The following KCNC2 variants were observed in gnomAD, a reference collection of about 807,000 sequenced individuals.
The protein encoded by KCNC2 is potassium voltage-gated channel subfamily C member 2, also known as voltage-gated potassium channel KCNC2.
KCNC2 carries 21 observed loss-of-function variants against 44.5 expected under a neutral mutation model. That is an observed-to-expected ratio of 0.47 (90% CI 0.33 to 0.68). The LOEUF (loss-of-function observed/expected upper bound fraction) is 0.68, where lower values mean the gene tolerates loss of function less well. Among genes scored for constraint, KCNC2 ranks in the 30% least tolerant of loss-of-function variants. The pLI, the probability that KCNC2 is intolerant of heterozygous loss-of-function variation, is 0.01. For missense variants in KCNC2, 589 were observed against 826.2 expected, an observed-to-expected ratio of 0.71 and a Z score of 3.52; for synonymous variants, 391 against 339.1, an observed-to-expected ratio of 1.15 and a Z score of -1.68.
rs1565799101 is a variant in KCNC2 at position 75,041,161 on chromosome 12, G to A, written c.*1944C>T. ...GTCCTTGGTATGGCTAAATTCCACT[G>A]TCCCTTTCTCAGCAGTCAATAATCC... On this transcript the variant is annotated 3_prime_UTR_variant, in exon 5 of 5. Transcript: ENST00000549446. The A allele has an allele frequency of 1.3e-6, 2 of 1,596,522 alleles. No individual in the cohort carries two copies. Among genetic ancestry groups the A allele is most frequent in the East Asian group, 2.2e-5 (1 of 44,812 alleles).
intron 2 of KCNC2, among the ~76,000 whole-genome samples, chr12:75,146,554 G>A (rs1342302722): frequency 6.6e-6 from 1 of 152,150 alleles, no homozygotes; most frequent in Non-Finnish European, 1.5e-5. Context: ...ATCCATCTCT[G>A]AAATAGATTT....
rs541708176 is a variant in KCNC2, at chr12:75,184,502, A to G, written c.687+22795T>C. On this transcript the variant is annotated intron_variant, in intron 2 of 4. Transcript: ENST00000549446. ...TGAAGTTGATTTATATATTTTTTTCATTTAAACCTTACTACATCTCCCTTT... is the reference window on the plus strand; with the variant it reads ...TGAAGTTGATTTATATATTTTTTTCGTTTAAACCTTACTACATCTCCCTTT... Among the ~76,000 whole-genome samples, 28 of 152,142 alleles carry G rather than the reference A, an allele frequency of 1.8e-4. No homozygotes were observed. The Middle Eastern group carries it at 0.014, about 74-fold the overall frequency.
chr12:75,205,125 T>G (rs2031584182), intron 2 of KCNC2, among the ~76,000 whole-genome samples: 1 of 152,140 alleles, frequency 6.6e-6, no homozygotes, highest in African/African-American at 2.4e-5. Context: ...TGCAGAGATT[T>G]CACAATCCAG....
chr12:75,159,510 A>C (rs1890984247), intron 2 of KCNC2, among the ~76,000 whole-genome samples: 1 of 151,796 alleles, frequency 6.6e-6, no homozygotes, highest in African/African-American at 2.4e-5. Flanking sequence ...TAAATAATTA[A>C]ATATTTATCA....
intron 2 of KCNC2, among the ~76,000 whole-genome samples, chr12:75,100,407 A>G (rs1293072638): frequency 6.6e-6 from 1 of 152,074 alleles, no homozygotes; most frequent in Non-Finnish European, 1.5e-5. Flanking sequence ...ATTCACCACA[A>G]TGGCACTTAA....
At chr12:75,086,080 A>C (rs1026695144) in intron 2 of KCNC2, among the ~76,000 whole-genome samples, 1 of 152,080 alleles carries the variant, frequency 6.6e-6, no homozygotes, top group Non-Finnish European at 1.5e-5. Flanking sequence ...CTCATACTAT[A>C]GTATGCTCTA....
intron 2 of KCNC2, among the ~76,000 whole-genome samples, chr12:75,108,395 G>A (rs1394636273): frequency 2.0e-5 from 3 of 152,144 alleles, no homozygotes; most frequent in African/African-American, 7.2e-5. Flanking sequence ...AAATGAGATA[G>A]CTGATGTTAT....
At chr12:75,190,592 CT>C (rs753095227) in intron 2 of KCNC2, among the ~76,000 whole-genome samples, 23 of 152,142 alleles carry the variant, frequency 1.5e-4, no homozygotes, top group Admixed American at 7.9e-4. Context: ...ACATCAAAAA[CT>C]TGTGTACTAA....
chr12:75,068,671 GAGTTGATTACAATTAAC>G (rs1489275155), intron 2 of KCNC2, among the ~76,000 whole-genome samples: 16 of 152,138 alleles, frequency 1.1e-4, no homozygotes, highest in Admixed American at 4.6e-4. Context: ...GGGATTTGAG[GAGTTGATTACAATTAAC>G]AGTTGCAAAT....
chr12:75,045,878 C>A (rs1323051578), intron 4 of KCNC2, among the ~76,000 whole-genome samples: 1 of 151,726 alleles, frequency 6.6e-6, no homozygotes, highest in Non-Finnish European at 1.5e-5. Flanking sequence ...TTTATTTTCA[C>A]TTACAGAGAG....
intron 2 of KCNC2, among the ~76,000 whole-genome samples, chr12:75,087,906 C>G (rs1406301454): frequency 6.6e-6 from 1 of 151,952 alleles, no homozygotes; most frequent in African/African-American, 2.4e-5. Flanking sequence ...CCCTTTGGCC[C>G]CCAGTACTGT....
Position 75,042,693 on chromosome 12 carries a change from C to T in KCNC2, c.*412G>A, listed in dbSNP as rs1880047399. ...GAGCTGACACAAGTCATGTCGTGTG[C>T]AATCAAGATAGGATCCCAGACATCT... On this transcript the variant is annotated 3_prime_UTR_variant, in exon 5 of 5. Transcript: ENST00000549446. The T allele has an allele frequency of 1.7e-6, 2 of 1,183,954 alleles. No individual in the cohort carries two copies. Among genetic ancestry groups the T allele is most frequent in the Admixed American group, 4.2e-5 (1 of 23,684 alleles). The allele number at this position is 1,183,954 out of a possible 1,614,324, so 73.3% of individuals were successfully genotyped here.
intron 2 of KCNC2, among the ~76,000 whole-genome samples, chr12:75,107,293 G>T (rs1195924360): frequency 1.3e-5 from 2 of 151,272 alleles, no homozygotes; most frequent in African/African-American, 4.9e-5. Flanking sequence ...GACAGAGGGA[G>T]ACTCCATCTC....
intron 2 of KCNC2, among the ~76,000 whole-genome samples, chr12:75,127,243 T>A (rs1888494094): frequency 1.3e-5 from 2 of 152,092 alleles, no homozygotes; most frequent in Admixed American, 1.3e-4. Context: ...TAGCTCAAAT[T>A]AAATTCAAGC....
chr12:75,096,866 A>G (rs1382389107), intron 2 of KCNC2, among the ~76,000 whole-genome samples: 2 of 152,084 alleles, frequency 1.3e-5, no homozygotes, highest in Non-Finnish European at 2.9e-5. Context: ...AGAAATTTCT[A>G]CTTTAAAATC....
At chr12:75,121,052 C>T (rs896408474) in intron 2 of KCNC2, among the ~76,000 whole-genome samples, 5 of 152,196 alleles carry the variant, frequency 3.3e-5, no homozygotes, top group Admixed American at 6.5e-5. Flanking sequence ...ATCCATGATG[C>T]TAGGACTGGC....
chr12:75,110,157 G>C (rs1248191895), intron 2 of KCNC2, among the ~76,000 whole-genome samples: 1 of 151,970 alleles, frequency 6.6e-6, no homozygotes, highest in African/African-American at 2.4e-5. Context: ...CTAAACTGAA[G>C]AAACACTTGA....
intron 2 of KCNC2, among the ~76,000 whole-genome samples, chr12:75,102,884 A>G (rs1886486905): frequency 6.6e-6 from 1 of 152,094 alleles, no homozygotes; most frequent in Admixed American, 6.6e-5. Flanking sequence ...CAATAAGATA[A>G]TTTGTTTTAT....
chr12:75,053,992 G>A (rs1420315794), intron 2 of KCNC2, among the ~76,000 whole-genome samples: 2 of 151,538 alleles, frequency 1.3e-5, no homozygotes, highest in Non-Finnish European at 2.9e-5. Context: ...GGAGGCTGAG[G>A]TGGATGGGTC....
Sources: gnomAD v4.1 joint callset for allele counts (sites outside exome capture counted in the v4.1 genomes callset) on GRCh38, gnomAD v4.1.1 for gene constraint, MANE v1.5 for transcripts, NCBI Gene and HGNC (gene_info 2026-07-23, HGNC 2026-07-21) for gene names.